C10orf90: variants seen among roughly 807,000 people sequenced by gnomAD.
The protein encoded by C10orf90 is chromosome 10 open reading frame 90.
In C10orf90, 56 loss-of-function variants were observed where a neutral mutation model predicts 62.5. The observed-to-expected ratio is 0.90, with a 90% confidence interval of 0.72 to 1.12. The LOEUF (loss-of-function observed/expected upper bound fraction) is 1.12, where lower values mean the gene tolerates loss of function less well. Among genes scored for constraint, C10orf90 ranks in the 50% most tolerant of loss-of-function variants. The pLI, the probability that C10orf90 is intolerant of heterozygous loss-of-function variation, is 0.00. For synonymous variants in C10orf90, 386 were observed against 340.4 expected (o/e 1.13, Z -1.47); for missense variants, 970 against 880.4 (o/e 1.10, Z -1.29).
intron 2 of C10orf90, among the ~76,000 whole-genome samples, chr10:126,613,516 G>A (rs1845481194): frequency 6.6e-6 from 1 of 152,166 alleles, no homozygotes; most frequent in African/African-American, 2.4e-5. Flanking sequence ...AAAGTGCTGG[G>A]ATTACAGGCA....
At chr10:126,612,051 T>C (rs1845445001) in intron 2 of C10orf90, among the ~76,000 whole-genome samples, 1 of 152,252 alleles carries the variant, frequency 6.6e-6, no homozygotes, top group Admixed American at 6.5e-5. Flanking sequence ...CCAGACGCTG[T>C]GGCTCACGCC....
intron 1 of C10orf90, among the ~76,000 whole-genome samples, chr10:126,664,428 C>A (rs1000835370): frequency 1.3e-5 from 2 of 152,054 alleles, no homozygotes; most frequent in Admixed American, 1.3e-4. Context: ...CTTGTAATGC[C>A]CCCAGCAACG....
At position 126,542,588 on chromosome 10, in the gene C10orf90, T is replaced by C. The variant is rs577801126; in HGVS notation, c.314-28649A>G. 8.5e-5 allele frequency among the ~76,000 whole-genome samples: 13 copies of C among 152,318 alleles called. No homozygotes were observed. The South Asian group carries it at 2.3e-3, about 27-fold the overall frequency. ...AGTGTTTGTTGCATAGCATTGCAAATGCACTAAATACCACTTAACTGTTCA... is the reference window on the plus strand; with the variant it reads ...AGTGTTTGTTGCATAGCATTGCAAACGCACTAAATACCACTTAACTGTTCA... On this transcript the variant is annotated intron_variant, in intron 2 of 9. Transcript: ENST00000488181.
intron 2 of C10orf90, among the ~76,000 whole-genome samples, chr10:126,620,572 A>C (rs1432447427): frequency 6.6e-6 from 1 of 152,186 alleles, no homozygotes. Flanking sequence ...ATAATTTGAA[A>C]CTTTTATTTG....
chr10:126,526,392 C>T (rs1473687175), intron 2 of C10orf90, among the ~76,000 whole-genome samples: 1 of 151,952 alleles, frequency 6.6e-6, no homozygotes, highest in African/African-American at 2.4e-5. Context: ...CTACAGGCAC[C>T]CACCACCACA....
chr10:126,657,767 C>T (rs1361494843), intron 1 of C10orf90, among the ~76,000 whole-genome samples: 3 of 152,022 alleles, frequency 2.0e-5, no homozygotes, highest in South Asian at 2.1e-4. Context: ...AGGCTTGTGC[C>T]ATCACACCTG....
intron 4 of C10orf90, among the ~76,000 whole-genome samples, chr10:126,495,720 G>C (rs1862009623): frequency 6.6e-6 from 1 of 152,094 alleles, no homozygotes; most frequent in Admixed American, 6.5e-5. Context: ...CCAAGTCAAA[G>C]GAATGAAACA....
chr10:126,587,316 C>T (rs907937430), intron 2 of C10orf90, among the ~76,000 whole-genome samples: 1 of 152,216 alleles, frequency 6.6e-6, no homozygotes, highest in Non-Finnish European at 1.5e-5. Flanking sequence ...CATAACGAAA[C>T]ACCACAAAGT....
At chr10:126,568,638 A>G (rs1844441853) in intron 2 of C10orf90, among the ~76,000 whole-genome samples, 1 of 152,226 alleles carries the variant, frequency 6.6e-6, no homozygotes, top group African/African-American at 2.4e-5. Context: ...CTACCCACAC[A>G]TAAGGCATGG....
At chr10:126,426,563 T>G (rs776827495) in intron 8 of C10orf90, among the ~76,000 whole-genome samples, 20 of 152,258 alleles carry the variant, frequency 1.3e-4, no homozygotes, top group Non-Finnish European at 2.5e-4. Context: ...CTTATAATAC[T>G]GTAATAAAAC....
intron 2 of C10orf90, among the ~76,000 whole-genome samples, chr10:126,604,996 A>C (rs1409591187): frequency 6.6e-6 from 1 of 152,208 alleles, no homozygotes; most frequent in Non-Finnish European, 1.5e-5. Context: ...AAAAGCCAAA[A>C]CTAGCCACAG....
intron 2 of C10orf90, among the ~76,000 whole-genome samples, chr10:126,530,175 A>C (rs926418941): frequency 1.3e-5 from 2 of 152,266 alleles, no homozygotes; most frequent in South Asian, 2.1e-4. Flanking sequence ...ATATTCAACT[A>C]TCTATCAGTG....
At chr10:126,428,059 C>A (rs968879507) in intron 8 of C10orf90, among the ~76,000 whole-genome samples, 2 of 152,090 alleles carry the variant, frequency 1.3e-5, no homozygotes, top group South Asian at 2.1e-4. Flanking sequence ...ACTCTGCAGA[C>A]AGTCAAAACC....
chr10:126,490,018 TATA>T lies in C10orf90; in HGVS notation c.1534+13936_1534+13938del, dbSNP rs1372081717. 5.2e-5 allele frequency among the ~76,000 whole-genome samples: 3 copies of T among 57,420 alleles called. No individual in the cohort carries two copies. The East Asian group carries it at 1.7e-3, about 32-fold the overall frequency. 37.7% of individuals were successfully genotyped at this position (57,420 alleles called of 152,430 possible). On this transcript the variant is annotated intron_variant, in intron 4 of 9. Coordinates refer to ENST00000488181, the MANE Select transcript of C10orf90 (RefSeq NM_001350921.2). Reference sequence around the variant, plus strand: ...TATATTATATATTATATATATTATATATAATATATAATATATAATATATATTAT... The same window carrying T: ...TATATTATATATTATATATATTATATATATATAATATATAATATATATTAT...
intron 2 of C10orf90, among the ~76,000 whole-genome samples, chr10:126,594,491 C>A (rs1373717259): frequency 6.6e-6 from 1 of 152,184 alleles, no homozygotes; most frequent in Non-Finnish European, 1.5e-5. Flanking sequence ...TTCACCTACA[C>A]CAACCTCTGT....
At chr10:126,433,445 C>T (rs991032900) in intron 7 of C10orf90, among the ~76,000 whole-genome samples, 1 of 152,048 alleles carries the variant, frequency 6.6e-6, no homozygotes, top group Non-Finnish European at 1.5e-5. Flanking sequence ...GAGAGACATA[C>T]CCCAATAGCC....
rs1862584536 is a variant in C10orf90, at chr10:126,504,349, T to C, written c.1142A>G (p.Lys381Arg). Residue 381 changes from lysine to arginine, a missense_variant, in exon 4 of 10, where the codon AAA becomes AGA. Transcript: ENST00000488181. The surrounding 1 kb of genome is among the most constrained non-coding windows in gnomAD (Gnocchi z 4.1). ...PIEPPQIASPKMHRSVLSLNL... is the reference protein window; with the variant it reads ...PIEPPQIASPRMHRSVLSLNL... ...GAGCGACAGGACGGATCTGTGCATTTTGGGGCTGGCAATTTGAGGTGGCTC... is the reference window on the plus strand; with the variant it reads ...GAGCGACAGGACGGATCTGTGCATTCTGGGGCTGGCAATTTGAGGTGGCTC... The C allele has an allele frequency of 1.9e-6, 3 of 1,614,144 alleles. No homozygotes were observed. Among genetic ancestry groups the C allele is most frequent in the Non-Finnish European group, 2.5e-6 (3 of 1,180,034 alleles).
intron 4 of C10orf90, among the ~76,000 whole-genome samples, chr10:126,470,827 A>G (rs930918469): frequency 6.6e-6 from 1 of 151,998 alleles, no homozygotes; most frequent in Non-Finnish European, 1.5e-5. Context: ...ACAGAACAGA[A>G]CAAGCCTATT....
chr10:126,425,710 T>C lies in C10orf90; in HGVS notation c.*154A>G, dbSNP rs760413494. ...ATTGTTTCTGTTTGGCTTGGGTCAG[T>C]AATTCAGGAAGTGATGTTTTCCTTT... is the stretch of plus-strand genomic sequence containing the variant. On this transcript the variant is annotated 3_prime_UTR_variant, in exon 10 of 10. Transcript: ENST00000488181. 28 of 746,972 alleles carry C rather than the reference T, an allele frequency of 3.7e-5. No homozygotes were observed. The highest frequency in any genetic ancestry group is 5.5e-5 in the Non-Finnish European group (26 of 472,616). The allele number at this position is 746,972 out of a possible 1,614,324, so 46.3% of individuals were successfully genotyped here.
Sources: gnomAD v4.1 joint callset for allele counts (sites outside exome capture counted in the v4.1 genomes callset) on GRCh38, gnomAD v4.1.1 for gene constraint, Gnocchi (gnomAD v3.1) non-coding constraint, MANE v1.5 for transcripts, NCBI Gene and HGNC (gene_info 2026-07-23, HGNC 2026-07-21) for gene names.